The following CAMTA1 variants were observed in gnomAD, a reference collection of about 807,000 sequenced individuals.
CAMTA1 encodes the protein calmodulin-binding transcription activator 1.
Under a neutral mutation model 170.9 loss-of-function variants are expected in CAMTA1, and 27 were observed. The ratio of observed to expected loss-of-function variants is 0.16; its 90% CI spans 0.12 to 0.22. CAMTA1 has a LOEUF of 0.22. Among genes scored for constraint, CAMTA1 ranks in the 10% least tolerant of loss-of-function variants. The pLI, the probability that CAMTA1 is intolerant of heterozygous loss-of-function variation, is 1.00. For synonymous variants in CAMTA1, 833 were observed against 891.5 expected (o/e 0.93, Z 1.17); for missense variants, 1,619 against 2,217.2 (o/e 0.73, Z 5.42).
At chr1:6,836,787 C>T (rs1011591054) in intron 3 of CAMTA1, among the ~76,000 whole-genome samples, 1 of 152,078 alleles carries the variant, frequency 6.6e-6, no homozygotes, top group African/African-American at 2.4e-5. Context: ...GTCATTTGAC[C>T]TAGGCTAGAA....
At chr1:7,086,242 C>T (rs1386730958) in intron 3 of CAMTA1, among the ~76,000 whole-genome samples, 3 of 152,030 alleles carry the variant, frequency 2.0e-5, no homozygotes, top group Non-Finnish European at 2.9e-5. Flanking sequence ...TTCTCAGCAT[C>T]GATGTGGTAT....
chr1:7,613,282 T>C (rs940209421), intron 6 of CAMTA1, among the ~76,000 whole-genome samples: 2 of 152,282 alleles, frequency 1.3e-5, no homozygotes, highest in African/African-American at 4.8e-5. Context: ...CACCTGCCTT[T>C]CATCTGCTTA....
intron 1 of CAMTA1, among the ~76,000 whole-genome samples, chr1:6,789,804 CTTTTTTTT>C (rs34542033): frequency 1.6e-4 from 14 of 85,672 alleles, no homozygotes; most frequent in East Asian, 4.2e-4. Context: ...TTTAGTGTAT[CTTTTTTTT>C]TTTTTTTTTT....
At chr1:7,530,766 T>C (rs574077185) in intron 6 of CAMTA1, among the ~76,000 whole-genome samples, 6 of 140,752 alleles carry the variant, frequency 4.3e-5, no homozygotes, top group Admixed American at 2.1e-4. Flanking sequence ...AGAATGTGGA[T>C]TTTTTTTTTT....
intron 3 of CAMTA1, among the ~76,000 whole-genome samples, chr1:6,866,890 T>C (rs1471999070): frequency 1.3e-5 from 2 of 152,232 alleles, no homozygotes; most frequent in Non-Finnish European, 2.9e-5. Flanking sequence ...GAGGATTCTT[T>C]TATTGTCTCA....
chr1:6,870,502 C>G (rs936807367), intron 3 of CAMTA1, among the ~76,000 whole-genome samples: 3 of 152,106 alleles, frequency 2.0e-5, no homozygotes, highest in Non-Finnish European at 2.9e-5. Flanking sequence ...TTGCCGTAAG[C>G]CTCTAGAAAG....
chr1:7,020,945 ACTT>A (rs1335795548), intron 3 of CAMTA1, among the ~76,000 whole-genome samples: 4 of 152,222 alleles, frequency 2.6e-5, no homozygotes, highest in African/African-American at 4.8e-5. Context: ...CTAGAAGAGC[ACTT>A]CTTCTCCATC....
intron 5 of CAMTA1, among the ~76,000 whole-genome samples, chr1:7,388,790 G>C (rs1021246709): frequency 5.3e-5 from 8 of 152,184 alleles, no homozygotes; most frequent in Non-Finnish European, 8.8e-5. Context: ...TGTTGGTTCT[G>C]CTGGCAGCTC....
In CAMTA1 at chr1:7,742,052, C is replaced by T. The variant is rs753899153; in HGVS notation, c.4183-2783C>T. On this transcript the variant is annotated intron_variant, in intron 16 of 22. Coordinates refer to ENST00000303635, the MANE Select transcript of CAMTA1 (RefSeq NM_015215.4). ...ACAATGAAAATGAAATGATAGATAACAGCTATAATAGATAAACGAGTATAA... is the reference window on the plus strand; with the variant it reads ...ACAATGAAAATGAAATGATAGATAATAGCTATAATAGATAAACGAGTATAA... Among the ~76,000 whole-genome samples, 42 of 148,722 alleles carry T rather than the reference C, an allele frequency of 2.8e-4. 1 individual carries two copies. Among genetic ancestry groups the T allele is most frequent in the Non-Finnish European group, 8.9e-5 (6 of 67,432 alleles).
chr1:7,091,050 G>T lies in CAMTA1; in HGVS notation c.235-254G>T, dbSNP rs117779103. Among the ~76,000 whole-genome samples, 129 of 152,276 alleles carry T rather than the reference G, an allele frequency of 8.5e-4. No individual in the cohort carries two copies. In the East Asian group the frequency reaches 0.021, roughly 25 times the overall value. ...GTGTCTGATGTCTTCCTGCCACAGA[G>T]AAATATTTTTGTCCTTGCCACCGAC... On this transcript the variant is annotated intron_variant, in intron 3 of 22. Transcript: ENST00000303635.
intron 7 of CAMTA1, among the ~76,000 whole-genome samples, chr1:7,653,265 T>C (rs2095859077): frequency 6.6e-6 from 1 of 152,210 alleles, no homozygotes; most frequent in South Asian, 2.1e-4. Context: ...ATTATTTTTT[T>C]CCCCTTCTTT....
chr1:6,887,915 A>G lies in CAMTA1; in HGVS notation c.234+62705A>G, dbSNP rs1673663193. 7.4e-7 allele frequency: 1 copy of G among 1,347,728 alleles called. No homozygotes were observed. The highest frequency in any genetic ancestry group is 3.0e-5 in the East Asian group (1 of 33,434). 83.5% of individuals were successfully genotyped at this position (1,347,728 alleles called of 1,614,324 possible). On this transcript the variant is annotated intron_variant, in intron 3 of 22. Coordinates refer to ENST00000303635, the MANE Select transcript of CAMTA1 (RefSeq NM_015215.4). The surrounding 1 kb of genome is among the most constrained non-coding windows in gnomAD (Gnocchi z 4.1). ...TCTTGCCTCATCCGGAGTTATTACG[A>G]AGGAGCTCCGCAGCCTGACTGAGCT...
chr1:7,162,638 G>A (rs1475316423), intron 4 of CAMTA1, among the ~76,000 whole-genome samples: 1 of 152,200 alleles, frequency 6.6e-6, no homozygotes, highest in Non-Finnish European at 1.5e-5. Context: ...TTATCAGTAA[G>A]TACTTTGTTC....
chr1:6,920,660 A>G (rs574611355), intron 3 of CAMTA1, among the ~76,000 whole-genome samples: 2 of 152,266 alleles, frequency 1.3e-5, no homozygotes, highest in East Asian at 1.9e-4. Context: ...AGGCATTTCC[A>G]TACATCTTCT....
At chr1:7,165,495 G>A (rs910287591) in intron 4 of CAMTA1, among the ~76,000 whole-genome samples, 4 of 151,934 alleles carry the variant, frequency 2.6e-5, no homozygotes, top group South Asian at 2.1e-4. Context: ...GCAGTAGTGC[G>A]ATCTCGGCTC....
At chr1:7,162,259 T>C (rs569162409) in intron 4 of CAMTA1, among the ~76,000 whole-genome samples, 23 of 152,324 alleles carry the variant, frequency 1.5e-4, no homozygotes, top group Middle Eastern at 3.4e-3. Flanking sequence ...TTTGGTGCAG[T>C]GGACGCCATT....
At position 7,688,011 on chromosome 1, in the gene CAMTA1, C is replaced by CTTTTTTTTTTTTTTTTTT. The variant is rs70987364; in HGVS notation, c.2914+10295_2914+10296insTTTTTTTTTTTTTTTTTT. 1.5e-3 allele frequency among the ~76,000 whole-genome samples: 150 copies of CTTTTTTTTTTTTTTTTTT among 103,262 alleles called. 14 individuals are homozygous for CTTTTTTTTTTTTTTTTTT. Among genetic ancestry groups the CTTTTTTTTTTTTTTTTTT allele is most frequent in the African/African-American group, 2.9e-3 (77 of 26,934 alleles). The allele number at this position is 103,262 out of a possible 152,430, so 67.7% of individuals were successfully genotyped here. A position where few individuals can be genotyped will look rare whatever the true frequency, so the allele number is the denominator to read the frequency against. The stretch of plus-strand genomic sequence containing the variant: ...CGATTACGTCGGACTCTCATTATTC[C>CTTTTTTTTTTTTTTTTTT]TTTTTTTTTTTTTTTTTGGCAGAGT... On this transcript the variant is annotated intron_variant, in intron 11 of 22. Coordinates refer to ENST00000303635, the MANE Select transcript of CAMTA1 (RefSeq NM_015215.4).
chr1:6,785,898 C>T (rs1486975477), intron 1 of CAMTA1, among the ~76,000 whole-genome samples: 3 of 148,804 alleles, frequency 2.0e-5, no homozygotes, highest in Non-Finnish European at 4.5e-5. Context: ...CGGCGCCTCC[C>T]CCACCCGGAC....
At chr1:7,662,784 C>G (rs761236420) in intron 8 of CAMTA1, among the ~76,000 whole-genome samples, 12 of 152,150 alleles carry the variant, frequency 7.9e-5, no homozygotes, top group Non-Finnish European at 1.3e-4. Flanking sequence ...GGTCGAGAAC[C>G]CTCTTTGGTC....
Sources: allele counts gnomAD v4.1 joint callset (sites outside exome capture counted in the v4.1 genomes callset), GRCh38; gene constraint gnomAD v4.1.1; non-coding constraint Gnocchi (gnomAD v3.1); transcripts MANE v1.5; gene names NCBI Gene and HGNC (gene_info 2026-07-23, HGNC 2026-07-21).